The following CCDC152 variants were observed in gnomAD, a reference collection of about 807,000 sequenced individuals.
CCDC152 encodes the protein coiled-coil domain containing 152, also known as coiled-coil domain-containing protein 152.
In CCDC152, 37 loss-of-function variants were observed where a neutral mutation model predicts 38.1. The ratio of observed to expected loss-of-function variants is 0.97; its 90% CI spans 0.75 to 1.28. The LOEUF is 1.28. Among genes scored for constraint, CCDC152 ranks in the 50% most tolerant of loss-of-function variants. The pLI, the probability that CCDC152 is intolerant of heterozygous loss-of-function variation, is 0.00. For missense variants in CCDC152, 259 were observed against 292.1 expected (o/e 0.89, Z 0.83); for synonymous variants, 83 against 87.1 (o/e 0.95, Z 0.26).
intron 6 of CCDC152, among the ~76,000 whole-genome samples, chr5:42,795,178 T>C (rs1369194864): frequency 6.6e-6 from 1 of 152,090 alleles, no homozygotes; most frequent in African/African-American, 2.4e-5. Context: ...AATACAAAAC[T>C]ATAGAAAGAT....
At chr5:42,771,359 A>G (rs1487561633) in intron 4 of CCDC152, among the ~76,000 whole-genome samples, 1 of 152,092 alleles carries the variant, frequency 6.6e-6, no homozygotes, top group Non-Finnish European at 1.5e-5. Context: ...TTACACCTCA[A>G]GGAACTAGAA....
intron 2 of CCDC152, among the ~76,000 whole-genome samples, chr5:42,760,303 CAAAA>C (rs148225690): frequency 2.8e-5 from 3 of 105,774 alleles, no homozygotes; most frequent in Admixed American, 9.9e-5. Context: ...GACTCCGTCT[CAAAA>C]AAAAAAAAAA....
At chr5:42,784,205 A>G (rs1217428666) in intron 6 of CCDC152, among the ~76,000 whole-genome samples, 1 of 152,190 alleles carries the variant, frequency 6.6e-6, no homozygotes. Flanking sequence ...TTACATTCCC[A>G]TTAACAGTGC....
At chr5:42,765,841 C>T (rs1759617019) in intron 3 of CCDC152, among the ~76,000 whole-genome samples, 1 of 152,106 alleles carries the variant, frequency 6.6e-6, no homozygotes, top group Non-Finnish European at 1.5e-5. Context: ...TTCTCCAGGA[C>T]ATTGGTCTGG....
At chr5:42,773,325 C>G (rs76008947) in intron 4 of CCDC152, among the ~76,000 whole-genome samples, 1 of 152,044 alleles carries the variant, frequency 6.6e-6, no homozygotes, top group East Asian at 1.9e-4. Context: ...AAAAAAATTG[C>G]AATTCTTATT....
At chr5:42,764,305 G>T (rs1209429287) in intron 3 of CCDC152, among the ~76,000 whole-genome samples, 2 of 152,090 alleles carry the variant, frequency 1.3e-5, no homozygotes, top group East Asian at 3.9e-4. Context: ...AGTTACTCGG[G>T]AGATTGAGGG....
At chr5:42,779,656 C>T (rs1039810165) in intron 5 of CCDC152, 134 bp downstream of exon 5, 16 of 457,130 alleles carry the variant, frequency 3.5e-5, no homozygotes, top group African/African-American at 8.1e-5. Flanking sequence ...TGGAGATATA[C>T]GTATATATGC....
chr5:42,798,029 G>A (rs1225556019), intron 7 of CCDC152, among the ~76,000 whole-genome samples: 1 of 152,090 alleles, frequency 6.6e-6, no homozygotes, highest in African/African-American at 2.4e-5. Flanking sequence ...GCAGATGCCT[G>A]TTATCCAGCT....
chr5:42,782,246 A>G (rs921067360), intron 5 of CCDC152, among the ~76,000 whole-genome samples: 1 of 152,208 alleles, frequency 6.6e-6, no homozygotes, highest in African/African-American at 2.4e-5. Flanking sequence ...ATCTTACATT[A>G]TAGTAAGCTT....
At chr5:42,790,190 G>T (rs112484062) in intron 6 of CCDC152, among the ~76,000 whole-genome samples, 2 of 152,188 alleles carry the variant, frequency 1.3e-5, no homozygotes, top group Admixed American at 1.3e-4. Context: ...CAGATGAAGG[G>T]CCAGGCACGG....
intron 7 of CCDC152, 46 bp downstream of exon 7, chr5:42,797,002 C>T: frequency 1.5e-6 from 2 of 1,329,710 alleles, no homozygotes; most frequent in Non-Finnish European, 1.0e-6. Context: ...ATCCCTTAGT[C>T]TAAACTGTAC....
intron 3 of CCDC152, among the ~76,000 whole-genome samples, chr5:42,764,047 C>T (rs1177700418): frequency 1.3e-5 from 2 of 152,114 alleles, no homozygotes; most frequent in Non-Finnish European, 2.9e-5. Context: ...CCCACCACTT[C>T]CCTATTACTA....
At chr5:42,799,068 A>G (rs191556063) in intron 7 of CCDC152, among the ~76,000 whole-genome samples, 139 of 152,304 alleles carry the variant, frequency 9.1e-4, no homozygotes, top group Non-Finnish European at 1.5e-3. Flanking sequence ...TGATGTTTTG[A>G]GAAAAAGATG....
intron 4 of CCDC152, among the ~76,000 whole-genome samples, chr5:42,771,791 G>A (rs185966921): frequency 1.2e-4 from 18 of 152,104 alleles, no homozygotes; most frequent in Non-Finnish European, 1.6e-4. Flanking sequence ...CCAAAGAAAA[G>A]CCCAGGATGA....
intron 6 of CCDC152, among the ~76,000 whole-genome samples, chr5:42,785,305 T>A (rs555810947): frequency 6.6e-6 from 1 of 152,160 alleles, no homozygotes; most frequent in East Asian, 1.9e-4. Context: ...CTTGTAGAGG[T>A]TTTTCATCTT....
chr5:42,798,285 C>T (rs1760105767), intron 7 of CCDC152, among the ~76,000 whole-genome samples: 1 of 152,116 alleles, frequency 6.6e-6, no homozygotes, highest in Non-Finnish European at 1.5e-5. Flanking sequence ...CGTTGCTTCC[C>T]CCCACCCCAA....
At chr5:42,761,630 A>T (rs531579200) in intron 2 of CCDC152, among the ~76,000 whole-genome samples, 90 of 152,296 alleles carry the variant, frequency 5.9e-4, no homozygotes, top group South Asian at 4.3e-3. Flanking sequence ...AAAGAAAAAA[A>T]AGAATGAGGT....
intron 2 of CCDC152, among the ~76,000 whole-genome samples, chr5:42,761,452 T>C (rs1759552143): frequency 1.3e-5 from 2 of 151,874 alleles, no homozygotes; most frequent in South Asian, 4.2e-4. Context: ...CTGTCTCTGC[T>C]AAAACACAAA....
intron 6 of CCDC152, 106 bp from the exon 7 acceptor site, chr5:42,796,723 A>T (rs1393524306): frequency 1.3e-6 from 1 of 765,960 alleles, no homozygotes; most frequent in African/African-American, 1.8e-5. Flanking sequence ...TGTTTCATTA[A>T]TAAAATTTAC....
Sources: allele counts gnomAD v4.1 joint callset (sites outside exome capture counted in the v4.1 genomes callset), GRCh38; gene constraint gnomAD v4.1.1; transcripts MANE v1.5; gene names NCBI Gene and HGNC (gene_info 2026-07-23, HGNC 2026-07-21).